Variants in UNC119B observed in about 807,000 individuals in gnomAD.
UNC119B encodes the protein unc-119 lipid binding chaperone B.
UNC119B carries 16 observed loss-of-function variants against 23.4 expected under a neutral mutation model. That is an observed-to-expected ratio of 0.68 (90% confidence interval 0.46 to 1.04). The LOEUF (loss-of-function observed/expected upper bound fraction) is 1.04, where lower values mean the gene tolerates loss of function less well. UNC119B is among the 50% of genes least tolerant of loss of function. UNC119B has a pLI of 0.00. For synonymous variants in UNC119B, 144 were observed against 145.4 expected (o/e 0.99, Z 0.07); for missense variants, 350 against 361.3 (o/e 0.97, Z 0.25).
intron 4 of UNC119B, among the ~76,000 whole-genome samples, chr12:120,718,007 T>G (rs956834629): frequency 9.2e-5 from 14 of 152,042 alleles, no homozygotes; most frequent in African/African-American, 3.4e-4. Flanking sequence ...TAGCTGAGAC[T>G]ACAGGTGCCC....
intron 4 of UNC119B, 21 bp from the exon 5 acceptor site, chr12:120,719,899 C>T: frequency 6.4e-7 from 1 of 1,568,768 alleles, no homozygotes; most frequent in South Asian, 1.1e-5. Flanking sequence ...CTTTTTTCTT[C>T]CCCCTTTGCC....
At position 120,720,042 on chromosome 12, in the gene UNC119B, G is replaced by A. The variant is rs773044089; in HGVS notation, c.*10G>A. ...TAATGGAGGCCAGTAAGTGCTGCAA[G>A]AGTAGATAGGGGAGGTGCTTTGCCG... On this transcript the variant is annotated 3_prime_UTR_variant, in exon 5 of 5. Coordinates refer to ENST00000344651, the MANE Select transcript of UNC119B (RefSeq NM_001080533.3). 2 of 1,594,042 alleles carry A rather than the reference G, an allele frequency of 1.3e-6. No homozygotes were observed. Among genetic ancestry groups the A allele is most frequent in the Admixed American group, 1.7e-5 (1 of 59,766 alleles).
rs962718777 is a variant in UNC119B at position 120,723,246 on chromosome 12, C to A, written c.*3214C>A. The A allele has an allele frequency of 1.3e-5, 2 of 154,620 alleles. No homozygotes were observed. Among genetic ancestry groups the A allele is most frequent in the African/African-American group, 4.8e-5 (2 of 41,492 alleles). The allele number at this position is 154,620 out of a possible 1,614,324, so 9.6% of individuals were successfully genotyped here. ...TGTCCTGAAATTCACAGGACTGACT[C>A]CTCACCCCAGTGCACGAGGATTCCT... On this transcript the variant is annotated 3_prime_UTR_variant, in exon 5 of 5. Coordinates refer to ENST00000344651, the MANE Select transcript of UNC119B (RefSeq NM_001080533.3).
intron 4 of UNC119B, among the ~76,000 whole-genome samples, chr12:120,717,478 C>G (rs1005066158): frequency 6.6e-6 from 1 of 151,936 alleles, no homozygotes; most frequent in Non-Finnish European, 1.5e-5. Flanking sequence ...AGGCTGGTCT[C>G]GAACACTTGA....
chr12:120,717,970 C>T (rs1193853745), intron 4 of UNC119B, among the ~76,000 whole-genome samples: 2 of 151,188 alleles, frequency 1.3e-5, no homozygotes, highest in Non-Finnish European at 2.9e-5. Context: ...CTCCTGGGTT[C>T]ATGCCATTCT....
At chr12:120,714,815 A>G (rs1882739014) in intron 2 of UNC119B, among the ~76,000 whole-genome samples, 1 of 152,170 alleles carries the variant, frequency 6.6e-6, no homozygotes, top group Non-Finnish European at 1.5e-5. Flanking sequence ...CAAGAAGGTC[A>G]GCTGAAGATA....
chr12:120,719,972 T>C lies in UNC119B; in HGVS notation c.696T>C (p.Phe232=), dbSNP rs372558291. 2 of 1,614,210 alleles carry C rather than the reference T, an allele frequency of 1.2e-6. No individual in the cohort carries two copies. The highest frequency in any genetic ancestry group is 2.2e-5 in the South Asian group (2 of 91,082). ...AGACCCGCTCTGACAGCTTCTACTT[T>C]GTTGACAACAAGCTGATAATGCACA... ...PYETRSDSFY[F]VDNKLIMHNK... is the part of the protein sequence containing the mutation. Residue 232 remains phenylalanine, a synonymous_variant, in exon 5 of 5, where the codon TTT becomes TTC. Transcript: ENST00000344651.
At position 120,710,610 on chromosome 12, in the gene UNC119B, C is replaced by T; in HGVS notation, c.136C>T (p.His46Tyr). Reference protein sequence around the residue: ...NRLKARRQAPHHAADDGVGAA... With the variant: ...NRLKARRQAPYHAADDGVGAA... ...CCTGAAGGCGCGGCGGCAGGCGCCCCACCACGCGGCCGACGACGGCGTCGG... is the reference window on the plus strand; with the variant it reads ...CCTGAAGGCGCGGCGGCAGGCGCCCTACCACGCGGCCGACGACGGCGTCGG... The change falls in exon 1 of 5, where the codon CAC (histidine) becomes TAC (tyrosine). Residue 46 changes from histidine (H) to tyrosine (Y), a missense_variant. Transcript: ENST00000344651. 2 of 1,439,304 alleles carry T rather than the reference C, an allele frequency of 1.4e-6. No individual in the cohort carries two copies. Among genetic ancestry groups the T allele is most frequent in the East Asian group, 3.0e-5 (1 of 32,854 alleles). 89.2% of individuals were successfully genotyped at this position (1,439,304 alleles called of 1,614,324 possible).
intron 1 of UNC119B, chr12:120,711,407 C>A (rs1301364727): frequency 6.6e-6 from 1 of 152,256 alleles, no homozygotes; most frequent in African/African-American, 2.4e-5. Context: ...AGAATGATTT[C>A]AGAGTTTCAG....
Position 120,713,379 on chromosome 12 carries a change from G to A in UNC119B, c.350G>A (p.Cys117Tyr). Reference protein sequence around the residue: ...GTVLFEIAKPCVSDQEEDEEE... With the variant: ...GTVLFEIAKPYVSDQEEDEEE... The stretch of plus-strand genomic sequence containing the variant: ...GTACTTTTTGAGATTGCCAAACCTT[G>A]CGTTTCAGGTAGGCCTCTACGTTGT... The change falls in exon 2 of 5, where the codon TGC becomes TAC. Residue 117 changes from cysteine (C) to tyrosine (Y), a missense_variant. Transcript: ENST00000344651. 11 of 1,613,542 alleles carry A rather than the reference G, an allele frequency of 6.8e-6. No individual in the cohort carries two copies. Among genetic ancestry groups the A allele is most frequent in the Non-Finnish European group, 9.3e-6 (11 of 1,179,544 alleles).
At chr12:120,710,824 C>T (rs2136927917) in intron 1 of UNC119B, 106 bp downstream of exon 1, 2 of 1,135,494 alleles carry the variant, frequency 1.8e-6, no homozygotes, top group South Asian at 8.9e-5. Context: ...GCCAGACCCC[C>T]TCGGCCGGCC....
chr12:120,714,570 G>A (rs551144960), intron 2 of UNC119B, among the ~76,000 whole-genome samples: 1 of 152,086 alleles, frequency 6.6e-6, no homozygotes, highest in African/African-American at 2.4e-5. Context: ...CGCCTGCCTT[G>A]GTCTCCCAAA....
At chr12:120,712,070 C>T (rs1274757040) in intron 1 of UNC119B, among the ~76,000 whole-genome samples, 1 of 152,160 alleles carries the variant, frequency 6.6e-6, no homozygotes, top group Non-Finnish European at 1.5e-5. Context: ...CCCTCTCCTG[C>T]CATCCAAGTG....
In UNC119B at chr12:120,723,169, C is replaced by T. The variant is rs150548997; in HGVS notation, c.*3137C>T. The T allele has an allele frequency of 1.2e-4, 19 of 154,916 alleles. No homozygotes were observed. Among genetic ancestry groups the T allele is most frequent in the African/African-American group, 4.6e-4 (19 of 41,636 alleles). The allele number at this position is 154,916 out of a possible 1,614,324, so 9.6% of individuals were successfully genotyped here. A position where few individuals can be genotyped will look rare whatever the true frequency, so the allele number is the denominator to read the frequency against. ...TTCCCCTCTGTAAAGTCACTTTCTT[C>T]TGATGGCCAGTGTCACTATGATGTC... On this transcript the variant is annotated 3_prime_UTR_variant, in exon 5 of 5. Transcript: ENST00000344651.
rs564028736 is a variant in UNC119B, at chr12:120,722,154, G to C, written c.*2122G>C. On this transcript the variant is annotated 3_prime_UTR_variant, in exon 5 of 5. Coordinates refer to ENST00000344651, the MANE Select transcript of UNC119B (RefSeq NM_001080533.3). ...GGGCTATCTCTTATCTGCAGTGTTC[G>C]CTTTTGCTAGAAAGAGGATGTGGAG... 1.3e-5 allele frequency: 2 copies of C among 152,468 alleles called. No homozygotes were observed. The highest frequency in any genetic ancestry group is 3.9e-4 in the East Asian group (2 of 5,188). 9.4% of individuals were successfully genotyped at this position (152,468 alleles called of 1,614,324 possible).
At chr12:120,713,464 T>C (rs1882710910) in intron 2 of UNC119B, 77 bp downstream of exon 2, 5 of 1,100,536 alleles carry the variant, frequency 4.5e-6, no homozygotes, top group Non-Finnish European at 5.5e-6. Flanking sequence ...TGTGTGCCAC[T>C]GCATCCTGTT....
At chr12:120,715,938 C>A (rs543584211) in intron 2 of UNC119B, among the ~76,000 whole-genome samples, 2 of 152,198 alleles carry the variant, frequency 1.3e-5, no homozygotes, top group Non-Finnish European at 2.9e-5. Flanking sequence ...CACCCTTTCC[C>A]AGGTGGTCAA....
chr12:120,714,930 G>A (rs1882743619), intron 2 of UNC119B, among the ~76,000 whole-genome samples: 2 of 152,160 alleles, frequency 1.3e-5, no homozygotes, highest in Admixed American at 1.3e-4. Context: ...GATCACACCT[G>A]TAATTCTAGC....
Position 120,720,137 on chromosome 12 carries a change from C to T in UNC119B, c.*105C>T. 1 of 851,248 alleles carries T rather than the reference C, an allele frequency of 1.2e-6. No homozygotes were observed. The highest frequency in any genetic ancestry group is 1.6e-5 in the South Asian group (1 of 60,668). 52.7% of individuals were successfully genotyped at this position (851,248 alleles called of 1,614,324 possible). A position where few individuals can be genotyped will look rare whatever the true frequency, so the allele number is the denominator to read the frequency against. ...TGTCAACACACATCTGGAACCTGGC[C>T]CCAGGAAGCCAAGGCTGGGGTGGCA... On this transcript the variant is annotated 3_prime_UTR_variant, in exon 5 of 5. Transcript: ENST00000344651.
Sources: allele counts gnomAD v4.1 joint callset (sites outside exome capture counted in the v4.1 genomes callset), GRCh38; gene constraint gnomAD v4.1.1; transcripts MANE v1.5; gene names NCBI Gene and HGNC (gene_info 2026-07-23, HGNC 2026-07-21).